Variants in DIP2B observed in about 807,000 individuals in gnomAD.
DIP2B encodes the protein DIP2 acetate--CoA ligase B (putative), also known as disco-interacting protein 2 homolog B.
DIP2B carries 76 observed loss-of-function variants against 198.0 expected under a neutral mutation model. The observed-to-expected ratio is 0.38, with a 90% CI of 0.32 to 0.46. The LOEUF (loss-of-function observed/expected upper bound fraction) is 0.46, where lower values mean the gene tolerates loss of function less well. Among genes scored for constraint, DIP2B ranks in the 20% least tolerant of loss-of-function variants. The probability of loss-of-function intolerance (pLI) is 0.99; values close to 1 mark genes in which losing one functional copy is unlikely to be tolerated. For synonymous variants in DIP2B, 701 were observed against 739.1 expected, an observed-to-expected ratio of 0.95 and a Z score of 0.84; for missense variants, 1,559 against 1,978.4, an observed-to-expected ratio of 0.79 and a Z score of 4.02.
intron 30 of DIP2B, among the ~76,000 whole-genome samples, chr12:50,728,901 A>G (rs535717508): frequency 2.6e-5 from 4 of 152,314 alleles, no homozygotes; most frequent in Non-Finnish European, 4.4e-5. Context: ...ACAAAATGGC[A>G]GTGATCCTGT....
At chr12:50,670,435 A>G (rs1938831519) in intron 4 of DIP2B, among the ~76,000 whole-genome samples, 1 of 151,602 alleles carries the variant, frequency 6.6e-6, no homozygotes, top group Non-Finnish European at 1.5e-5. Context: ...TTTGTTTTTG[A>G]GTTGGAGTCT....
intron 2 of DIP2B, among the ~76,000 whole-genome samples, chr12:50,627,432 TA>T (rs1484713777): frequency 6.6e-6 from 1 of 152,150 alleles, no homozygotes; most frequent in Non-Finnish European, 1.5e-5. Flanking sequence ...CTCCCAGGTT[TA>T]AATGATCCTC....
At position 50,714,605 on chromosome 12, in the gene DIP2B, C is replaced by T. The variant is rs777096664; in HGVS notation, c.2851+9C>T. On this transcript the variant is annotated intron_variant, in intron 23 of 37. Transcript: ENST00000301180. ...CCGGCAAAAACAACCAGGTAATATG[C>T]TGGCTTCCAAGACCTGGCACTAAAA... 27 of 1,613,714 alleles carry T rather than the reference C, an allele frequency of 1.7e-5. No homozygotes were observed. The highest frequency in any genetic ancestry group is 2.2e-5 in the Non-Finnish European group (26 of 1,179,836).
intron 1 of DIP2B, among the ~76,000 whole-genome samples, chr12:50,562,457 G>A (rs546297088): frequency 7.2e-5 from 11 of 151,910 alleles, no homozygotes; most frequent in East Asian, 1.9e-4. Flanking sequence ...AATTCTAGTC[G>A]GGCACGGTGG....
intron 1 of DIP2B, among the ~76,000 whole-genome samples, chr12:50,526,169 A>G (rs1443435760): frequency 6.6e-6 from 1 of 152,134 alleles, no homozygotes; most frequent in Admixed American, 6.6e-5. Flanking sequence ...TTGCAGGGAG[A>G]AGATTCCAAT....
intron 30 of DIP2B, among the ~76,000 whole-genome samples, chr12:50,729,380 A>G (rs947019998): frequency 2.6e-5 from 4 of 152,218 alleles, no homozygotes; most frequent in African/African-American, 4.8e-5. Context: ...CTGTATGTAC[A>G]TAAGAATCAC....
intron 1 of DIP2B, among the ~76,000 whole-genome samples, chr12:50,591,302 C>G (rs780422455): frequency 5.9e-5 from 9 of 151,978 alleles, no homozygotes; most frequent in Non-Finnish European, 1.2e-4. Flanking sequence ...AATTCTTGAA[C>G]CTGAAGTTAT....
rs148491824 is a variant in DIP2B, at chr12:50,631,605, G to A, written c.172+5558G>A. Among the ~76,000 whole-genome samples, 3 of 152,052 alleles carry A rather than the reference G, an allele frequency of 2.0e-5. No homozygotes were observed. The East Asian group carries it at 5.8e-4, about 30-fold the overall frequency. On this transcript the variant is annotated intron_variant, in intron 2 of 37. Transcript: ENST00000301180. ...GTGCCACCACACCCAGCTAATTTTC[G>A]TATTTTTAGTAGAGACAGAGTTTCA...
intron 11 of DIP2B, among the ~76,000 whole-genome samples, chr12:50,686,162 C>CT (rs1379668539): frequency 6.6e-6 from 1 of 152,190 alleles, no homozygotes; most frequent in Non-Finnish European, 1.5e-5. Context: ...AAAGTCACAG[C>CT]TAATAAATGG....
intron 25 of DIP2B, among the ~76,000 whole-genome samples, chr12:50,720,904 G>A (rs957206767): frequency 3.3e-5 from 5 of 152,206 alleles, no homozygotes; most frequent in African/African-American, 9.6e-5. Flanking sequence ...TGGCTCAAGT[G>A]ATCCTTCCAC....
chr12:50,666,296 A>AT (rs754236281), intron 4 of DIP2B, among the ~76,000 whole-genome samples: 38 of 152,224 alleles, frequency 2.5e-4, no homozygotes, highest in Non-Finnish European at 4.9e-4. Context: ...CTTAACATAT[A>AT]TTTTTTTCAT....
intron 30 of DIP2B, among the ~76,000 whole-genome samples, chr12:50,731,122 T>G (rs1940034100): frequency 6.6e-6 from 1 of 152,240 alleles, no homozygotes; most frequent in Admixed American, 6.5e-5. Flanking sequence ...CTTGACCATA[T>G]TAATTAGCTT....
At chr12:50,550,606 C>T (rs547710207) in intron 1 of DIP2B, among the ~76,000 whole-genome samples, 5 of 152,264 alleles carry the variant, frequency 3.3e-5, no homozygotes, top group African/African-American at 4.8e-5. Flanking sequence ...ACGAATAGGC[C>T]TGGTAGAACC....
intron 8 of DIP2B, chr12:50,679,141 G>T: frequency 2.5e-6 from 1 of 404,976 alleles, no homozygotes; most frequent in Non-Finnish European, 4.5e-6. Context: ...CATTACAAGA[G>T]GATTTTAGAA....
intron 1 of DIP2B, among the ~76,000 whole-genome samples, chr12:50,537,916 T>C (rs1407999389): frequency 6.6e-6 from 1 of 152,022 alleles, no homozygotes; most frequent in Non-Finnish European, 1.5e-5. Flanking sequence ...TGTGGCAGAA[T>C]CAGAGGCTAG....
intron 7 of DIP2B, among the ~76,000 whole-genome samples, chr12:50,676,488 G>A (rs563769749): frequency 6.6e-6 from 1 of 152,274 alleles, no homozygotes; most frequent in East Asian, 1.9e-4. Flanking sequence ...ATGATGTACT[G>A]ATGTTCAAGA....
intron 1 of DIP2B, among the ~76,000 whole-genome samples, chr12:50,542,257 AAAAAAAAAG>A (rs1185554241): frequency 8.2e-4 from 125 of 151,720 alleles, no homozygotes; most frequent in African/African-American, 2.5e-3. Context: ...TCAAAAAAAA[AAAAAAAAAG>A]AAAAAAAAGA....
intron 1 of DIP2B, among the ~76,000 whole-genome samples, chr12:50,560,396 C>CAA (rs1243608970): frequency 1.7e-5 from 2 of 115,820 alleles, no homozygotes; most frequent in African/African-American, 3.2e-5. Flanking sequence ...ACTCCATCTC[C>CAA]AAAAAAAAAA....
intron 2 of DIP2B, among the ~76,000 whole-genome samples, chr12:50,630,579 A>G (rs551729894): frequency 6.6e-6 from 1 of 152,062 alleles, no homozygotes; most frequent in East Asian, 1.9e-4. Context: ...AAATCTAAAC[A>G]TAGTTATTAG....
Sources: gnomAD v4.1 joint callset for allele counts (sites outside exome capture counted in the v4.1 genomes callset) on GRCh38, gnomAD v4.1.1 for gene constraint, MANE v1.5 for transcripts, NCBI Gene and HGNC (gene_info 2026-07-23, HGNC 2026-07-21) for gene names.